Variants in UGT2B4 observed in about 807,000 individuals in gnomAD.
The protein encoded by UGT2B4 is UDP glucuronosyltransferase family 2 member B4, also known as UDP-glucuronosyltransferase 2B4.
UGT2B4 carries 49 observed loss-of-function variants against 49.8 expected under a neutral mutation model. The ratio of observed to expected loss-of-function variants is 0.98; its 90% confidence interval spans 0.78 to 1.25. UGT2B4 has a LOEUF of 1.25. Among genes scored for constraint, UGT2B4 ranks in the 50% most tolerant of loss-of-function variants. The probability of loss-of-function intolerance (pLI) is 0.00; values close to 1 mark genes in which losing one functional copy is unlikely to be tolerated. For synonymous variants in UGT2B4, 246 were observed against 217.7 expected, an observed-to-expected ratio of 1.13 and a Z score of -1.14; for missense variants, 729 against 627.7, an observed-to-expected ratio of 1.16 and a Z score of -1.73.
intron 5 of UGT2B4, among the ~76,000 whole-genome samples, chr4:69,484,804 T>C (rs1727718357): frequency 6.6e-6 from 1 of 152,162 alleles, no homozygotes; most frequent in Admixed American, 6.5e-5. Context: ...TCAAGTCTGT[T>C]ACAATAATGA....
At chr4:69,494,626 T>C (rs1210377753) in intron 1 of UGT2B4, among the ~76,000 whole-genome samples, 1 of 152,188 alleles carries the variant, frequency 6.6e-6, no homozygotes, top group African/African-American at 2.4e-5. Flanking sequence ...GCATTGGTTT[T>C]TGATTCTGAA....
intron 5 of UGT2B4, among the ~76,000 whole-genome samples, chr4:69,481,371 ATG>A (rs941858361): frequency 6.6e-6 from 1 of 152,220 alleles, no homozygotes; most frequent in Non-Finnish European, 1.5e-5. Flanking sequence ...TTGACATAGA[ATG>A]TGTGTATTTT....
intron 1 of UGT2B4, among the ~76,000 whole-genome samples, chr4:69,516,367 C>T (rs866693027): frequency 6.6e-6 from 1 of 152,152 alleles, no homozygotes; most frequent in African/African-American, 2.4e-5. Flanking sequence ...AACGCTGAGT[C>T]AAGTGGTATT....
At chr4:69,525,634 G>T in intron 1 of UGT2B4, 1 of 1,162,436 alleles carries the variant, frequency 8.6e-7, no homozygotes, top group Non-Finnish European at 1.1e-6. Context: ...AGGTATCTAT[G>T]CACCTGCCAT....
chr4:69,486,764 A>G (rs1727800124), intron 3 of UGT2B4, 68 bp from the exon 4 acceptor site: 2 of 1,224,840 alleles, frequency 1.6e-6, no homozygotes, highest in African/African-American at 1.5e-5. Flanking sequence ...TTAGAAATCT[A>G]AAGAGATTAA....
At chr4:69,522,561 T>C (rs1266177454) in intron 1 of UGT2B4, among the ~76,000 whole-genome samples, 2 of 152,170 alleles carry the variant, frequency 1.3e-5, no homozygotes, top group Admixed American at 1.3e-4. Flanking sequence ...ATTGAAAACA[T>C]TTATTGTAAA....
In UGT2B4 at chr4:69,495,586, C is replaced by A; in HGVS notation, c.276G>T (p.Gln92His). 1 of 1,613,956 alleles carries A rather than the reference C, an allele frequency of 6.2e-7. No individual in the cohort carries two copies. The highest frequency in any genetic ancestry group is 8.5e-7 in the Non-Finnish European group (1 of 1,179,962). Reference sequence around the variant, plus strand: ...GAAGTTCTGCCCATCTCTTAACCAGCTGCTTGATAATATCCTCAAACTCAG... The same window carrying A: ...GAAGTTCTGCCCATCTCTTAACCAGATGCTTGATAATATCCTCAAACTCAG... ...TKTEFEDIIK[Q>H]LVKRWAELPK... is the part of the protein sequence containing the mutation. Residue 92 changes from glutamine to histidine, a missense_variant, in exon 1 of 6, where the codon CAG becomes CAT. Physicochemically the swap from Gln to His is conservative, Grantham distance 24. Transcript: ENST00000305107.
chr4:69,489,714 A>T, intron 2 of UGT2B4, 144 bp from the exon 3 acceptor site: 8 of 1,236,834 alleles, frequency 6.5e-6, no homozygotes, highest in Non-Finnish European at 8.8e-6. Flanking sequence ...TCAATTACTC[A>T]GTTTTTTTTG....
At chr4:69,514,592 G>T (rs1468758309) in intron 1 of UGT2B4, among the ~76,000 whole-genome samples, 1 of 152,070 alleles carries the variant, frequency 6.6e-6, no homozygotes, top group Non-Finnish European at 1.5e-5. Flanking sequence ...TGTTGGCTGT[G>T]GGTTTGTCAT....
chr4:69,492,358 T>A (rs151049865), intron 2 of UGT2B4, among the ~76,000 whole-genome samples: 1 of 152,080 alleles, frequency 6.6e-6, no homozygotes, highest in Non-Finnish European at 1.5e-5. Context: ...GAACACTGGG[T>A]CTGGCTGCAA....
At position 69,486,609 on chromosome 4, in the gene UGT2B4, C is replaced by T. The variant is rs936696704; in HGVS notation, c.1090G>A (p.Gly364Ser). Reference protein sequence around the residue: ...YKWIPQNDLLGHPKTRAFITH... With the variant: ...YKWIPQNDLLSHPKTRAFITH... ...CAGTATTTGTTCTTCAGAGACTTAC[C>T]AAGAAGATCATTCTGGGGTATCCAC... The change falls in exon 4 of 6, where the codon GGT (glycine) becomes AGT (serine). Residue 364 changes from glycine to serine, a missense_variant and splice_region_variant. By Grantham distance (56) the Gly-to-Ser change is moderately conservative. Transcript: ENST00000305107. 1 of 1,588,462 alleles carries T rather than the reference C, an allele frequency of 6.3e-7. No individual in the cohort carries two copies.
intron 1 of UGT2B4, among the ~76,000 whole-genome samples, chr4:69,516,693 A>G (rs1728742428): frequency 6.7e-6 from 1 of 148,814 alleles, no homozygotes; most frequent in Non-Finnish European, 1.5e-5. Context: ...TGCAACCTCC[A>G]CCTCTTAGGT....
intron 1 of UGT2B4, among the ~76,000 whole-genome samples, chr4:69,516,630 G>A (rs556661813): frequency 2.0e-4 from 30 of 151,744 alleles, no homozygotes; most frequent in Admixed American, 4.6e-4. Context: ...TATTTAAGAC[G>A]GGGTCTTGCT....
intron 1 of UGT2B4, among the ~76,000 whole-genome samples, chr4:69,517,440 T>A (rs968661357): frequency 5.9e-5 from 9 of 152,122 alleles, no homozygotes; most frequent in Non-Finnish European, 7.4e-5. Flanking sequence ...GTAGGCTAAT[T>A]AAAGAAAGAA....
At chr4:69,497,027 T>C (rs1051967124), upstream of UGT2B4, among the ~76,000 whole-genome samples, 3 of 152,212 alleles carry the variant, frequency 2.0e-5, no homozygotes, top group African/African-American at 7.2e-5. Context: ...CTGACTCACT[T>C]CCTAATAGTT....
intron 1 of UGT2B4, among the ~76,000 whole-genome samples, chr4:69,512,200 C>A (rs1056644705): frequency 2.6e-5 from 4 of 151,308 alleles, no homozygotes; most frequent in Non-Finnish European, 4.4e-5. Context: ...TTAGTTTGTT[C>A]TTTCTTGGCT....
At chr4:69,515,596 G>T (rs1024994618) in intron 1 of UGT2B4, among the ~76,000 whole-genome samples, 1 of 151,970 alleles carries the variant, frequency 6.6e-6, no homozygotes, top group Non-Finnish European at 1.5e-5. Context: ...TCAACTAAAA[G>T]AACTAGAGAA....
intron 1 of UGT2B4, among the ~76,000 whole-genome samples, chr4:69,515,794 T>TA (rs889207459): frequency 1.3e-5 from 2 of 151,496 alleles, no homozygotes; most frequent in Admixed American, 6.6e-5. Context: ...AGAAAAGAAT[T>TA]AAAAAAAATT....
chr4:69,500,849 G>A (rs1250046673), upstream of UGT2B4, among the ~76,000 whole-genome samples: 1 of 152,086 alleles, frequency 6.6e-6, no homozygotes, highest in African/African-American at 2.4e-5. Context: ...CTCCACCAGG[G>A]CCTTAATTGT....
Sources: gnomAD v4.1 joint callset for allele counts (sites outside exome capture counted in the v4.1 genomes callset) on GRCh38, gnomAD v4.1.1 for gene constraint, MANE v1.5 for transcripts, NCBI Gene and HGNC (gene_info 2026-07-23, HGNC 2026-07-21) for gene names.